VAV3: variants seen among roughly 807,000 people sequenced by gnomAD.
VAV3 encodes the protein guanine nucleotide exchange factor VAV3.
A neutral mutation model predicts 131.2 loss-of-function variants in VAV3; 94 were observed. The ratio of observed to expected loss-of-function variants is 0.72; its 90% CI spans 0.61 to 0.85. The LOEUF (loss-of-function observed/expected upper bound fraction) is 0.85, where lower values mean the gene tolerates loss of function less well. Among genes scored for constraint, VAV3 ranks in the 40% least tolerant of loss-of-function variants. The probability of loss-of-function intolerance (pLI) is 0.00; values close to 1 mark genes in which losing one functional copy is unlikely to be tolerated. For synonymous variants in VAV3, 349 were observed against 342.0 expected (o/e 1.02, Z -0.22); for missense variants, 939 against 1,002.7 (o/e 0.94, Z 0.86).
chr1:107,952,495 A>ATATATAT (rs1674602438), intron 1 of VAV3, among the ~76,000 whole-genome samples: 1 of 36,300 alleles, frequency 2.8e-5, no homozygotes, highest in Non-Finnish European at 7.7e-5. Flanking sequence ...TACACACATA[A>ATATATAT]ATTCAACCTA....
chr1:107,769,847 T>C (rs188932544), intron 6 of VAV3, among the ~76,000 whole-genome samples: 11 of 152,282 alleles, frequency 7.2e-5, no homozygotes, highest in African/African-American at 2.2e-4. Flanking sequence ...TCCAATCCGG[T>C]TGGTTCTATG....
intron 1 of VAV3, among the ~76,000 whole-genome samples, chr1:107,931,428 A>C (rs999313872): frequency 2.0e-5 from 3 of 152,218 alleles, no homozygotes; most frequent in Non-Finnish European, 2.9e-5. Context: ...AAAAATAAAA[A>C]ATATACATTT....
At chr1:107,721,491 C>T (rs989280785) in intron 15 of VAV3, among the ~76,000 whole-genome samples, 4 of 152,080 alleles carry the variant, frequency 2.6e-5, no homozygotes, top group African/African-American at 9.7e-5. Context: ...ACAGGGTAGG[C>T]ATAAGGGCCA....
intron 20 of VAV3, among the ~76,000 whole-genome samples, chr1:107,636,299 T>A (rs1243595720): frequency 6.6e-6 from 1 of 152,202 alleles, no homozygotes; most frequent in Non-Finnish European, 1.5e-5. Context: ...ACAGTGGAGA[T>A]GGGCCATAAA....
chr1:107,916,021 C>G (rs936882643), intron 1 of VAV3, among the ~76,000 whole-genome samples: 3 of 152,086 alleles, frequency 2.0e-5, no homozygotes, highest in Non-Finnish European at 2.9e-5. Context: ...CGTAGAAGTT[C>G]AGAGAAGGCC....
intron 2 of VAV3, among the ~76,000 whole-genome samples, chr1:107,856,772 C>T (rs1168896472): frequency 6.6e-6 from 1 of 152,134 alleles, no homozygotes; most frequent in Non-Finnish European, 1.5e-5. Flanking sequence ...CATGGTGGCT[C>T]ACACCTGTAA....
At chr1:107,740,996 C>G (rs980619234) in intron 15 of VAV3, among the ~76,000 whole-genome samples, 1 of 152,078 alleles carries the variant, frequency 6.6e-6, no homozygotes, top group African/African-American at 2.4e-5. Context: ...TGAGAAGATC[C>G]AAACAAACCT....
chr1:107,738,123 C>A (rs1362189348), intron 15 of VAV3, among the ~76,000 whole-genome samples: 1 of 152,146 alleles, frequency 6.6e-6, no homozygotes, highest in Admixed American at 6.5e-5. Context: ...CCAAACACCG[C>A]ATGTTCTCAC....
At chr1:107,629,756 C>G (rs1263035159) in intron 20 of VAV3, among the ~76,000 whole-genome samples, 2 of 151,956 alleles carry the variant, frequency 1.3e-5, no homozygotes, top group Non-Finnish European at 2.9e-5. Flanking sequence ...TGCAGATAGC[C>G]CATTCATTCA....
intron 2 of VAV3, among the ~76,000 whole-genome samples, chr1:107,874,692 A>G (rs538048549): frequency 2.7e-5 from 4 of 149,296 alleles, no homozygotes; most frequent in African/African-American, 9.9e-5. Flanking sequence ...GTTGATGCTA[A>G]TTTTTTGGTG....
At chr1:107,736,328 A>G (rs949568774) in intron 15 of VAV3, among the ~76,000 whole-genome samples, 5 of 152,166 alleles carry the variant, frequency 3.3e-5, no homozygotes, top group African/African-American at 1.2e-4. Context: ...CACCACTCCT[A>G]TTCAACATAG....
chr1:107,768,739 T>C (rs1245649321), intron 6 of VAV3, among the ~76,000 whole-genome samples: 1 of 152,050 alleles, frequency 6.6e-6, no homozygotes, highest in African/African-American at 2.4e-5. Context: ...TAAAATAAAA[T>C]GGTTTAGACA....
At chr1:107,813,812 T>C (rs1334168356) in intron 2 of VAV3, among the ~76,000 whole-genome samples, 3 of 152,134 alleles carry the variant, frequency 2.0e-5, no homozygotes, top group African/African-American at 4.8e-5. Context: ...TCTACCTCCA[T>C]TAGATCAACT....
intron 19 of VAV3, among the ~76,000 whole-genome samples, chr1:107,667,977 C>A (rs1285298929): frequency 1.3e-5 from 2 of 152,148 alleles, no homozygotes; most frequent in Non-Finnish European, 2.9e-5. Flanking sequence ...GAAGCTCTTT[C>A]CCAGGCTCTC....
At chr1:107,728,619 G>A (rs1322193012) in intron 15 of VAV3, among the ~76,000 whole-genome samples, 2 of 102,966 alleles carry the variant, frequency 1.9e-5, no homozygotes, top group African/African-American at 3.2e-5. Flanking sequence ...ATATGTATAT[G>A]TATATGTATA....
intron 1 of VAV3, among the ~76,000 whole-genome samples, chr1:107,902,682 A>G (rs938220153): frequency 1.3e-5 from 2 of 152,234 alleles, no homozygotes; most frequent in Non-Finnish European, 2.9e-5. Context: ...GAAGTTATAC[A>G]AAGTATGACA....
intron 2 of VAV3, among the ~76,000 whole-genome samples, chr1:107,869,671 T>C (rs769960710): frequency 4.6e-5 from 7 of 152,172 alleles, no homozygotes; most frequent in Non-Finnish European, 8.8e-5. Flanking sequence ...TTTACATAGG[T>C]TCTGTGGGAA....
intron 20 of VAV3, among the ~76,000 whole-genome samples, chr1:107,633,382 G>T (rs1283302388): frequency 6.6e-6 from 1 of 151,982 alleles, no homozygotes; most frequent in Non-Finnish European, 1.5e-5. Context: ...ACCACACTTT[G>T]CAAGCCACTT....
At chr1:107,593,235 T>C (rs1279390747) in intron 25 of VAV3, among the ~76,000 whole-genome samples, 1 of 152,120 alleles carries the variant, frequency 6.6e-6, no homozygotes, top group Non-Finnish European at 1.5e-5. Flanking sequence ...CATAAGATAG[T>C]CCTGTCATAA....
Sources: allele counts gnomAD v4.1 joint callset (sites outside exome capture counted in the v4.1 genomes callset), GRCh38; gene constraint gnomAD v4.1.1; transcripts MANE v1.5; gene names NCBI Gene and HGNC (gene_info 2026-07-23, HGNC 2026-07-21).